Variants in CADPS observed in about 807,000 individuals in gnomAD.
The protein encoded by CADPS is calcium-dependent secretion activator 1.
In CADPS, 57 loss-of-function variants were observed where a neutral mutation model predicts 167.3. The observed-to-expected ratio is 0.34, with a 90% CI of 0.28 to 0.42. The LOEUF (loss-of-function observed/expected upper bound fraction) is 0.42, where lower values mean the gene tolerates loss of function less well. Among genes scored for constraint, CADPS ranks in the 20% least tolerant of loss-of-function variants. The probability of loss-of-function intolerance (pLI) is 1.00; values close to 1 mark genes in which losing one functional copy is unlikely to be tolerated. For synonymous variants in CADPS, 676 were observed against 635.3 expected, an observed-to-expected ratio of 1.06 and a Z score of -0.96; for missense variants, 1,414 against 1,738.1, an observed-to-expected ratio of 0.81 and a Z score of 3.32.
At chr3:62,484,551 A>G (rs1427439167) in intron 21 of CADPS, among the ~76,000 whole-genome samples, 2 of 152,224 alleles carry the variant, frequency 1.3e-5, no homozygotes, top group Non-Finnish European at 2.9e-5. Flanking sequence ...ATTAAAATTT[A>G]CACTCTTTCA....
chr3:62,696,383 C>T (rs1911184), intron 3 of CADPS, among the ~76,000 whole-genome samples: 83,112 of 151,956 alleles, frequency 0.55, 24,300 homozygotes, highest in East Asian at 0.89. Flanking sequence ...GTTTGCCACA[C>T]TGTCAATACT....
chr3:62,874,780 C>T lies in CADPS; in HGVS notation c.250G>A (p.Ala84Thr). The stretch of plus-strand genomic sequence containing the variant: ...GGGCTGGAGGGCCGGCCGCCGCCAG[C>T]GCGGCTGCTGGGTTGCAGCCCCCCG... ...GAGGLQPSSR[A>T]GGGRPSSPSP... is the part of the protein sequence containing the mutation. The change falls in exon 1 of 30, where the codon GCT becomes ACT. Residue 84 changes from alanine to threonine, a missense_variant. By Grantham distance (58) the Ala-to-Thr change is moderately conservative. Around this residue, in one of 6 missense-constraint regions of CADPS, gnomAD observed 522 missense variants for 559.5 expected, o/e 0.93. Coordinates refer to ENST00000383710, the MANE Select transcript of CADPS (RefSeq NM_003716.4). This position sits in a 1 kb window ranked among gnomAD's most constrained non-coding sequence, Gnocchi z 7.1. The T allele has an allele frequency of 9.1e-6, 13 of 1,421,840 alleles. No individual in the cohort carries two copies. The highest frequency in any genetic ancestry group is 1.2e-5 in the Non-Finnish European group (13 of 1,049,802). 88.1% of individuals were successfully genotyped at this position (1,421,840 alleles called of 1,614,324 possible). A position where few individuals can be genotyped will look rare whatever the true frequency, so the allele number is the denominator to read the frequency against.
At chr3:62,870,398 A>T (rs1577669875) in intron 1 of CADPS, among the ~76,000 whole-genome samples, 1 of 152,146 alleles carries the variant, frequency 6.6e-6, no homozygotes, top group Admixed American at 6.6e-5. Context: ...GCTCTCTCTC[A>T]CACACATATA....
At chr3:62,580,862 T>C (rs369780028) in intron 8 of CADPS, among the ~76,000 whole-genome samples, 4 of 152,216 alleles carry the variant, frequency 2.6e-5, no homozygotes, top group Admixed American at 1.3e-4. Context: ...CTGACCTAAA[T>C]AGACATAAAA....
chr3:62,732,578 A>G (rs1212697511), intron 3 of CADPS, among the ~76,000 whole-genome samples: 1 of 152,238 alleles, frequency 6.6e-6, no homozygotes, highest in Non-Finnish European at 1.5e-5. Flanking sequence ...GTTTCAAGGG[A>G]AAGTTACACG....
chr3:62,794,238 A>G (rs1439824937), intron 1 of CADPS, among the ~76,000 whole-genome samples: 1 of 152,204 alleles, frequency 6.6e-6, no homozygotes, highest in Non-Finnish European at 1.5e-5. Flanking sequence ...CCCTGTGTGT[A>G]GAATGCGGAT....
At chr3:62,405,064 A>T (rs971296139) in intron 28 of CADPS, among the ~76,000 whole-genome samples, 3 of 144,730 alleles carry the variant, frequency 2.1e-5, no homozygotes, top group African/African-American at 7.8e-5. Context: ...TACTCCTGGC[A>T]ACTGGAGGGC....
At position 62,809,935 on chromosome 3, in the gene CADPS, C is replaced by T. The variant is rs970962397; in HGVS notation, c.442-43951G>A. On this transcript the variant is annotated intron_variant, in intron 1 of 29. Transcript: ENST00000383710. ...CATAAAACATTGCCTTTTAATTTTG[C>T]TGCAATTGCCACAATATAGCCATAT... Among the ~76,000 whole-genome samples the T allele has an allele frequency of 7.2e-5, 11 of 152,284 alleles. No homozygotes were observed. In the South Asian group the frequency reaches 1.0e-3, roughly 14 times the overall value.
rs2051176244 is a variant in CADPS at position 62,420,884 on chromosome 3, A to G, written c.3777+17220T>C. The stretch of plus-strand genomic sequence containing the variant: ...CGAACACACACACACACACACACAC[A>G]CACACACACACACACACAGGCACAC... On this transcript the variant is annotated intron_variant, in intron 28 of 29. Coordinates refer to ENST00000383710, the MANE Select transcript of CADPS (RefSeq NM_003716.4). The surrounding 1 kb of genome is among the most constrained non-coding windows in gnomAD (Gnocchi z 4.1). 7.5e-6 allele frequency among the ~76,000 whole-genome samples: 1 copy of G among 132,524 alleles called. No individual in the cohort carries two copies. Among genetic ancestry groups the G allele is most frequent in the African/African-American group, 3.2e-5 (1 of 31,466 alleles). The allele number at this position is 132,524 out of a possible 152,430, so 86.9% of individuals were successfully genotyped here. A position where few individuals can be genotyped will look rare whatever the true frequency, so the allele number is the denominator to read the frequency against.
chr3:62,798,110 C>T lies in CADPS; in HGVS notation c.442-32126G>A, dbSNP rs115428402. ...AATAAACATTCCAGACTGAGATAAA[C>T]GCAATGAAGCAGATAAACAATGTGA... On this transcript the variant is annotated intron_variant, in intron 1 of 29. Transcript: ENST00000383710. 9.9e-3 allele frequency among the ~76,000 whole-genome samples: 1,505 copies of T among 152,180 alleles called. 25 individuals are homozygous for T. Among genetic ancestry groups the T allele is most frequent in the African/African-American group, 0.033 (1,381 of 41,522 alleles).
intron 11 of CADPS, among the ~76,000 whole-genome samples, chr3:62,546,770 T>G (rs1435509192): frequency 1.3e-5 from 2 of 152,162 alleles, no homozygotes; most frequent in Non-Finnish European, 2.9e-5. Context: ...TCTAGAGATG[T>G]TTCAAATTAC....
At chr3:62,783,700 T>C (rs1357427002) in intron 1 of CADPS, among the ~76,000 whole-genome samples, 1 of 152,244 alleles carries the variant, frequency 6.6e-6, no homozygotes, top group Non-Finnish European at 1.5e-5. Flanking sequence ...AAATGTCTGT[T>C]ACTGGGGACT....
chr3:62,779,656 C>A (rs751313651), intron 1 of CADPS: 8 of 526,424 alleles, frequency 1.5e-5, no homozygotes, highest in Non-Finnish European at 3.1e-5. Context: ...TGTCTCCTTA[C>A]CTGAGTGCAA....
chr3:62,557,243 C>T (rs572238091), intron 10 of CADPS, among the ~76,000 whole-genome samples, 162 bp downstream of exon 10: 6 of 152,134 alleles, frequency 3.9e-5, no homozygotes, highest in South Asian at 2.1e-4. Flanking sequence ...GGGATGGAAA[C>T]GGCATAATAT....
At chr3:62,529,372 C>A (rs2073109719) in intron 13 of CADPS, among the ~76,000 whole-genome samples, 1 of 152,168 alleles carries the variant, frequency 6.6e-6, no homozygotes, top group African/African-American at 2.4e-5. Context: ...TGCCTTTCAA[C>A]ACTGGCCATT....
chr3:62,547,535 C>G (rs1439078438), intron 11 of CADPS, among the ~76,000 whole-genome samples: 1 of 146,928 alleles, frequency 6.8e-6, no homozygotes. Context: ...CTGGTTTTCT[C>G]ACTCATTTCT....
Position 62,399,610 on chromosome 3 carries a change from T to A in CADPS, c.3883-25A>T. The A allele has an allele frequency of 1.9e-6, 3 of 1,571,930 alleles. No individual in the cohort carries two copies. Among genetic ancestry groups the A allele is most frequent in the Non-Finnish European group, 2.6e-6 (3 of 1,143,650 alleles). On this transcript the variant is annotated intron_variant, in intron 29 of 29. Coordinates refer to ENST00000383710, the MANE Select transcript of CADPS (RefSeq NM_003716.4). This position sits in a 1 kb window ranked among gnomAD's most constrained non-coding sequence, Gnocchi z 5.6. ...TCTAAGGAAGGAAAAGATACAGTGA[T>A]AAGAGAGATCTCATCTCCATGATGG...
chr3:62,850,157 T>C (rs1482497226), intron 1 of CADPS, among the ~76,000 whole-genome samples: 1 of 134,956 alleles, frequency 7.4e-6, no homozygotes, highest in African/African-American at 2.7e-5. Context: ...GTCTATTTGA[T>C]TCTTCTCTCT....
chr3:62,643,871 A>T (rs2067958458), intron 6 of CADPS, among the ~76,000 whole-genome samples: 1 of 152,236 alleles, frequency 6.6e-6, no homozygotes, highest in African/African-American at 2.4e-5. Flanking sequence ...AAGAGCATGG[A>T]AAACGATCAG....
Sources: allele counts gnomAD v4.1 joint callset (sites outside exome capture counted in the v4.1 genomes callset), GRCh38; gene constraint gnomAD v4.1.1; regional missense constraint gnomAD v4.1.1; non-coding constraint Gnocchi (gnomAD v3.1); transcripts MANE v1.5; gene names NCBI Gene and HGNC (gene_info 2026-07-23, HGNC 2026-07-21).